The following MTCL1 variants were observed in gnomAD, a reference collection of about 807,000 sequenced individuals.
MTCL1 encodes microtubule crosslinking factor 1, also known as microtubule cross-linking factor 1.
Under a neutral mutation model 141.4 loss-of-function variants are expected in MTCL1, and 79 were observed. That is an observed-to-expected ratio of 0.56 (90% CI 0.47 to 0.67). The LOEUF (loss-of-function observed/expected upper bound fraction) is 0.67, where lower values mean the gene tolerates loss of function less well. Ranked by LOEUF, MTCL1 falls within the 30% of genes least tolerant of loss-of-function variation. The pLI is 0.00. For missense variants in MTCL1, 2,177 were observed against 2,113.9 expected, an observed-to-expected ratio of 1.03 and a Z score of -0.59; for synonymous variants, 914 against 875.8, an observed-to-expected ratio of 1.04 and a Z score of -0.77.
chr18:8,727,745 T>G (rs1235807566), intron 4 of MTCL1, among the ~76,000 whole-genome samples: 2 of 152,228 alleles, frequency 1.3e-5, no homozygotes, highest in Non-Finnish European at 2.9e-5. Flanking sequence ...AGACTCTCTC[T>G]TTTTTAAACT....
At chr18:8,786,645 A>G in intron 7 of MTCL1, 1 of 298,340 alleles carries the variant, frequency 3.4e-6, no homozygotes, top group Non-Finnish European at 6.7e-6. Flanking sequence ...CAGCCACCAC[A>G]GAGACCATGG....
exon 17 of MTCL1, chr18:8,832,097 T>A: frequency 2.8e-6 from 1 of 361,758 alleles, no homozygotes; most frequent in Middle Eastern, 7.9e-4. Context: ...ATAAATAGAT[T>A]TAAAAAATAA....
At chr18:8,769,857 TCTTA>T (rs2096477615) in intron 4 of MTCL1, among the ~76,000 whole-genome samples, 1 of 151,498 alleles carries the variant, frequency 6.6e-6, no homozygotes, top group Admixed American at 6.5e-5. Context: ...TAGTTTTCTG[TCTTA>T]CTTTTCCAAA....
At position 8,720,510 on chromosome 18, in the gene MTCL1, G is replaced by A. The variant is rs367643439; in HGVS notation, c.357+14G>A. On this transcript the variant is annotated intron_variant, in intron 4 of 16. Transcript: ENST00000359865. ...AGACTGAAAGAGGTAATCCAAAACT[G>A]TGGGGGTCCTGCCCCCTTGGATTTA... 6.2e-7 allele frequency: 1 copy of A among 1,612,080 alleles called. No individual in the cohort carries two copies. The highest frequency in any genetic ancestry group is 1.1e-5 in the South Asian group (1 of 90,794).
intron 3 of MTCL1, chr18:8,720,080 T>A: frequency 2.8e-6 from 1 of 355,348 alleles, no homozygotes; most frequent in Non-Finnish European, 5.1e-6. Context: ...GATACCAACT[T>A]TAGTGACACT....
intron 8 of MTCL1, among the ~76,000 whole-genome samples, chr18:8,795,832 T>C (rs2075897535): frequency 6.6e-6 from 1 of 152,114 alleles, no homozygotes; most frequent in South Asian, 2.1e-4. Context: ...GTTTTCTCCT[T>C]TACAACTGTA....
exon 15 of MTCL1, chr18:8,825,393 A>T (rs752766924): frequency 6.5e-7 from 1 of 1,541,596 alleles, no homozygotes; most frequent in African/African-American, 1.4e-5. Context: ...CAGGAATGCC[A>T]TCTGCTCCGG....
chr18:8,762,647 G>A (rs914394694), intron 4 of MTCL1, among the ~76,000 whole-genome samples: 12 of 152,250 alleles, frequency 7.9e-5, no homozygotes, highest in Admixed American at 7.8e-4. Flanking sequence ...TGAGGACAGA[G>A]CGGCTGCCAG....
chr18:8,818,150 G>C (rs575483281), intron 12 of MTCL1, among the ~76,000 whole-genome samples: 1 of 152,174 alleles, frequency 6.6e-6, no homozygotes, highest in Non-Finnish European at 1.5e-5. Context: ...GTGAGCCCAC[G>C]TGCACAACCC....
chr18:8,729,541 T>C (rs1313134664), intron 4 of MTCL1, among the ~76,000 whole-genome samples: 1 of 151,754 alleles, frequency 6.6e-6, no homozygotes, highest in Non-Finnish European at 1.5e-5. Context: ...TAACTAGGAC[T>C]AGAGTTATAC....
intron 4 of MTCL1, among the ~76,000 whole-genome samples, chr18:8,773,542 A>G (rs2096493217): frequency 6.6e-6 from 1 of 152,092 alleles, no homozygotes; most frequent in African/African-American, 2.4e-5. Context: ...CTTTTGATGT[A>G]TTCTTTTTAA....
chr18:8,775,656 A>G (rs2096504789), intron 4 of MTCL1, among the ~76,000 whole-genome samples: 1 of 152,126 alleles, frequency 6.6e-6, no homozygotes, highest in African/African-American at 2.4e-5. Flanking sequence ...GGGTGGAGAA[A>G]CTCAAGCTGT....
chr18:8,810,882 A>G lies in MTCL1; in HGVS notation c.2605-2097A>G, dbSNP rs1346704792. 6.6e-6 allele frequency among the ~76,000 whole-genome samples: 1 copy of G among 151,448 alleles called. No individual in the cohort carries two copies. The highest frequency in any genetic ancestry group is 1.5e-5 in the Non-Finnish European group (1 of 67,674). ...TCAAGCCTTTCCCTGCTTTCTCTCC[A>G]AGCAGGCCTGAGTTCCACTAAGATT... On this transcript the variant is annotated intron_variant, in intron 11 of 16. Coordinates refer to ENST00000359865, the Ensembl canonical transcript of MTCL1. The surrounding 1 kb of genome is among the most constrained non-coding windows in gnomAD (Gnocchi z 5.0).
At chr18:8,732,152 A>G (rs375615561) in intron 4 of MTCL1, among the ~76,000 whole-genome samples, 38 of 151,968 alleles carry the variant, frequency 2.5e-4, no homozygotes, top group African/African-American at 9.2e-4. Flanking sequence ...CCCAGGGATC[A>G]TGGCTCACTG....
intron 6 of MTCL1, among the ~76,000 whole-genome samples, chr18:8,785,092 C>T (rs1023771947): frequency 3.3e-5 from 5 of 150,952 alleles, no homozygotes; most frequent in South Asian, 4.2e-4. Context: ...TTTTTAACTG[C>T]GCCGCGGCTC....
rs192816220 is a variant in MTCL1 at position 8,802,686 on chromosome 18, T to C, written c.2437-4207T>C. On this transcript the variant is annotated intron_variant, in intron 10 of 16. Transcript: ENST00000359865. ...AAAAAGTTTGACATATTATAGCACA[T>C]TGTAAGTCTCACTCAAGAGAGCTGA... 1.7e-3 allele frequency among the ~76,000 whole-genome samples: 266 copies of C among 152,312 alleles called. 1 individual carries two copies. Among genetic ancestry groups the C allele is most frequent in the African/African-American group, 6.1e-3 (252 of 41,572 alleles).
At chr18:8,814,551 A>G (rs2076589372) in intron 12 of MTCL1, among the ~76,000 whole-genome samples, 1 of 152,168 alleles carries the variant, frequency 6.6e-6, no homozygotes, top group African/African-American at 2.4e-5. Flanking sequence ...TCGTTGCTCT[A>G]TGGTTAGGTG....
chr18:8,784,883 C>T (rs1235966646), intron 6 of MTCL1, 40 bp downstream of exon 5: 1 of 1,499,922 alleles, frequency 6.7e-7, no homozygotes, highest in Non-Finnish European at 9.0e-7. Flanking sequence ...CTCCGCCTTG[C>T]TCTTCCTCCT....
At chr18:8,816,637 G>A (rs529362750) in intron 12 of MTCL1, among the ~76,000 whole-genome samples, 1 of 152,258 alleles carries the variant, frequency 6.6e-6, no homozygotes, top group Admixed American at 6.5e-5. Context: ...AGCAAAAAGG[G>A]TCATCCATTC....
Sources: gnomAD v4.1 joint callset for allele counts (sites outside exome capture counted in the v4.1 genomes callset) on GRCh38, gnomAD v4.1.1 for gene constraint, Gnocchi (gnomAD v3.1) non-coding constraint, MANE v1.5 for transcripts, NCBI Gene and HGNC (gene_info 2026-07-23, HGNC 2026-07-21) for gene names.